The following UROC1 variants were observed in gnomAD, a reference collection of about 807,000 sequenced individuals.
The protein encoded by UROC1 is urocanate hydratase.
Under a neutral mutation model 89.5 loss-of-function variants are expected in UROC1, and 79 were observed. That is an observed-to-expected ratio of 0.88 (90% CI 0.74 to 1.06). UROC1 has a LOEUF of 1.06. Ranked by LOEUF, UROC1 falls within the 50% of genes least tolerant of loss-of-function variation. The probability of loss-of-function intolerance (pLI) is 0.00; values close to 1 mark genes in which losing one functional copy is unlikely to be tolerated. For synonymous variants in UROC1, 361 were observed against 354.8 expected, an observed-to-expected ratio of 1.02 and a Z score of -0.20; for missense variants, 885 against 907.8, an observed-to-expected ratio of 0.97 and a Z score of 0.32.
At chr3:126,517,469 C>T in intron 1 of UROC1, 125 bp downstream of exon 1, 2 of 1,463,456 alleles carry the variant, frequency 1.4e-6, no homozygotes, top group South Asian at 2.3e-5. Flanking sequence ...GGCTGGAGCC[C>T]CTGGAGTCCA....
At chr3:126,494,297 G>C (rs2107538102) in intron 15 of UROC1, among the ~76,000 whole-genome samples, 1 of 152,320 alleles carries the variant, frequency 6.6e-6, no homozygotes, top group African/African-American at 2.4e-5. Context: ...TCCAGCTGCA[G>C]CATCCACCCC....
intron 1 of UROC1, among the ~76,000 whole-genome samples, 191 bp from the exon 2 acceptor site, chr3:126,510,985 C>T (rs1405438936): frequency 6.6e-6 from 1 of 152,110 alleles, no homozygotes; most frequent in African/African-American, 2.4e-5. Context: ...CTTCCCTGAT[C>T]GCCCCCTCCT....
intron 1 of UROC1, among the ~76,000 whole-genome samples, chr3:126,515,364 G>C (rs1046111484): frequency 6.6e-6 from 1 of 151,514 alleles, no homozygotes; most frequent in African/African-American, 2.4e-5. Flanking sequence ...CTGCCCCTGA[G>C]TACCCACCAC....
rs764241328 is a variant in UROC1, at chr3:126,510,759, C to CG, written c.161dup (p.Asp55GlyfsTer30). Reference sequence around the variant, plus strand: ...CTGGGGCCAGCAGCTCCTGGACATCCGGGGGGAAGTAGCGCAGGGCGTTCC... The same window carrying CG: ...CTGGGGCCAGCAGCTCCTGGACATCCGGGGGGGAAGTAGCGCAGGGCGTTCC... On this transcript the variant is annotated frameshift_variant, in exon 2 of 20. Coordinates refer to ENST00000290868, the MANE Select transcript of UROC1 (RefSeq NM_144639.3). LOFTEE classifies it high-confidence loss of function. 3.1e-6 allele frequency: 5 copies of CG among 1,614,014 alleles called. No individual in the cohort carries two copies. Among genetic ancestry groups the CG allele is most frequent in the South Asian group, 1.1e-5 (1 of 91,082 alleles).
chr3:126,496,024 G>A lies in UROC1; in HGVS notation c.1509+14C>T, dbSNP rs1164791294. On this transcript the variant is annotated intron_variant, in intron 15 of 19. Coordinates refer to ENST00000290868, the MANE Select transcript of UROC1 (RefSeq NM_144639.3). ...GCACAGCCACCCCAGCCTCCCCCAGGCCTGGGCCCTCACCAGCCGGTGCCT... is the reference window on the plus strand; with the variant it reads ...GCACAGCCACCCCAGCCTCCCCCAGACCTGGGCCCTCACCAGCCGGTGCCT... 3.7e-6 allele frequency: 6 copies of A among 1,611,982 alleles called. No homozygotes were observed. Among genetic ancestry groups the A allele is most frequent in the African/African-American group, 1.3e-5 (1 of 74,940 alleles).
rs1935773877 is a variant in UROC1, at chr3:126,496,233, G to A, written c.1439-125C>T. 5.4e-6 allele frequency: 5 copies of A among 929,744 alleles called. 1 individual carries two copies. The East Asian group carries it at 1.1e-4, about 20-fold the overall frequency. 57.6% of individuals were successfully genotyped at this position (929,744 alleles called of 1,614,324 possible). ...CCACTGAGCTAGGACACAAGGTGAG[G>A]GAGCCCACCCCACCCCACCCCTGCC... On this transcript the variant is annotated intron_variant, in intron 14 of 19. Transcript: ENST00000290868.
intron 17 of UROC1, 48 bp downstream of exon 17, chr3:126,489,227 TA>T: frequency 6.5e-7 from 1 of 1,535,336 alleles, no homozygotes; most frequent in Non-Finnish European, 9.0e-7. Flanking sequence ...CAATTTTTAA[TA>T]AAATCCAAAT....
At chr3:126,500,647 G>A (rs1935896350) in intron 11 of UROC1, 48 bp downstream of exon 11, 1 of 1,611,512 alleles carries the variant, frequency 6.2e-7, no homozygotes, top group Admixed American at 1.7e-5. Context: ...AGGACAAGGT[G>A]GTCTGCCCAG....
At position 126,500,832 on chromosome 3, in the gene UROC1, C is replaced by A; in HGVS notation, c.1008G>T (p.Leu336Phe). Residue 336 changes from leucine (L) to phenylalanine (F), a missense_variant, in exon 11 of 20, where the codon TTG (leucine) becomes TTT (phenylalanine). Coordinates refer to ENST00000290868, the MANE Select transcript of UROC1 (RefSeq NM_144639.3). ...VHELDTTGECLVDLGSDQTSC... is the reference protein window; with the variant it reads ...VHELDTTGECFVDLGSDQTSC... Reference sequence around the variant, plus strand: ...ATGTCTGATCTGACCCCAGGTCCACCAAGCACTCCCCCGTCGTGTCCAATT... The same window carrying A: ...ATGTCTGATCTGACCCCAGGTCCACAAAGCACTCCCCCGTCGTGTCCAATT... The A allele has an allele frequency of 6.2e-7, 1 of 1,613,964 alleles. No individual in the cohort carries two copies.
At chr3:126,503,754 G>A (rs1935989037) in intron 9 of UROC1, among the ~76,000 whole-genome samples, 1 of 152,266 alleles carries the variant, frequency 6.6e-6, no homozygotes, top group Non-Finnish European at 1.5e-5. Context: ...CGGCAATGAC[G>A]GAATGTTGGA....
At chr3:126,500,616 G>C (rs1935895546) in intron 11 of UROC1, 79 bp downstream of exon 11, 10 of 1,577,346 alleles carry the variant, frequency 6.3e-6, no homozygotes, top group Non-Finnish European at 8.7e-6. Flanking sequence ...GGTTGCTGGA[G>C]AACTAGGTGG....
chr3:126,497,194 C>T (rs995320630), intron 14 of UROC1, among the ~76,000 whole-genome samples: 9 of 152,228 alleles, frequency 5.9e-5, no homozygotes, highest in African/African-American at 1.9e-4. Context: ...CCGAACATGG[C>T]CAGCAGCAGG....
intron 1 of UROC1, among the ~76,000 whole-genome samples, chr3:126,513,552 C>T (rs558535273): frequency 5.3e-4 from 81 of 152,344 alleles, no homozygotes; most frequent in African/African-American, 1.8e-3. Flanking sequence ...CTCTGACTGC[C>T]CTTTCCCCAT....
intron 13 of UROC1, 143 bp downstream of exon 13, chr3:126,499,194 G>T: frequency 1.1e-6 from 1 of 880,006 alleles, no homozygotes; most frequent in Non-Finnish European, 1.8e-6. Context: ...TGGCCACTTT[G>T]GGGCAGTGTG....
At chr3:126,496,254 C>T in intron 14 of UROC1, 146 bp from the exon 15 acceptor site, 1 of 750,848 alleles carries the variant, frequency 1.3e-6, no homozygotes, top group Non-Finnish European at 2.3e-6. Flanking sequence ...CACCCCACCC[C>T]TGCCTTTGTG....
intron 9 of UROC1, chr3:126,501,680 C>T: frequency 7.9e-7 from 1 of 1,266,806 alleles, no homozygotes; most frequent in Non-Finnish European, 1.1e-6. Flanking sequence ...CAGGAAAAAT[C>T]AAAGCATATT....
At chr3:126,504,978 G>T (rs2107546206) in intron 8 of UROC1, among the ~76,000 whole-genome samples, 1 of 152,296 alleles carries the variant, frequency 6.6e-6, no homozygotes, top group South Asian at 2.1e-4. Flanking sequence ...AGTCCTTGCA[G>T]TAATGACTGA....
chr3:126,502,056 T>G, intron 9 of UROC1: 1 of 1,218,690 alleles, frequency 8.2e-7, no homozygotes, highest in Non-Finnish European at 1.1e-6. Context: ...TTAAACTGAT[T>G]TTGATGTATG....
intron 18 of UROC1, among the ~76,000 whole-genome samples, chr3:126,485,427 C>T (rs1447282287): frequency 4.4e-5 from 6 of 135,174 alleles, no homozygotes; most frequent in Non-Finnish European, 6.3e-5. Context: ...GGGCAGAAGG[C>T]GTGTGGGTGG....
Sources: allele counts gnomAD v4.1 joint callset (sites outside exome capture counted in the v4.1 genomes callset), GRCh38; gene constraint gnomAD v4.1.1; transcripts MANE v1.5; gene names NCBI Gene and HGNC (gene_info 2026-07-23, HGNC 2026-07-21).